GRID2: variants seen among roughly 807,000 people sequenced by gnomAD.
The protein encoded by GRID2 is glutamate receptor ionotropic, delta-2.
In GRID2, 33 loss-of-function variants were observed where a neutral mutation model predicts 114.8. That is an observed-to-expected ratio of 0.29 (90% CI 0.22 to 0.38). The LOEUF (loss-of-function observed/expected upper bound fraction) is 0.38. Ranked by LOEUF, GRID2 falls within the 10% of genes least tolerant of loss-of-function variation. The pLI, the probability that GRID2 is intolerant of heterozygous loss-of-function variation, is 1.00. For synonymous variants in GRID2, 505 were observed against 449.9 expected, an observed-to-expected ratio of 1.12 and a Z score of -1.55; for missense variants, 1,184 against 1,257.7, an observed-to-expected ratio of 0.94 and a Z score of 0.89.
chr4:93,068,076 G>T, intron 2 of GRID2, among the ~76,000 whole-genome samples: 1 of 151,922 alleles, frequency 6.6e-6, no homozygotes. Flanking sequence ...TTGAATCACT[G>T]GTTATAGACT....
intron 1 of GRID2, among the ~76,000 whole-genome samples, chr4:92,340,112 A>G (rs551619598): frequency 6.6e-4 from 101 of 152,294 alleles, no homozygotes; most frequent in African/African-American, 2.1e-3. Context: ...ATTTAAGATA[A>G]TTATAAAATA....
intron 2 of GRID2, among the ~76,000 whole-genome samples, chr4:92,690,817 A>G (rs1020710057): frequency 2.7e-5 from 4 of 148,344 alleles, no homozygotes; most frequent in Non-Finnish European, 6.0e-5. Flanking sequence ...TTATTCAATT[A>G]AAAAAAAAAC....
At chr4:93,075,215 C>G (rs1729152426) in intron 2 of GRID2, among the ~76,000 whole-genome samples, 1 of 152,156 alleles carries the variant, frequency 6.6e-6, no homozygotes, top group Admixed American at 6.5e-5. Flanking sequence ...ATGGTTATCT[C>G]AATAGATGCA....
At chr4:92,817,561 C>T (rs897881235) in intron 2 of GRID2, among the ~76,000 whole-genome samples, 3 of 151,930 alleles carry the variant, frequency 2.0e-5, no homozygotes, top group African/African-American at 7.3e-5. Context: ...CTGACAATTC[C>T]TTGAGATTGT....
At chr4:92,896,387 A>G (rs1390781979) in intron 2 of GRID2, among the ~76,000 whole-genome samples, 1 of 152,178 alleles carries the variant, frequency 6.6e-6, no homozygotes, top group Non-Finnish European at 1.5e-5. Flanking sequence ...ATTTTGGTTG[A>G]TAATTGTTTC....
chr4:92,786,855 A>C lies in GRID2; in HGVS notation c.244+196569A>C, dbSNP rs1221183653. On this transcript the variant is annotated intron_variant, in intron 2 of 15. Coordinates refer to ENST00000282020, the MANE Select transcript of GRID2 (RefSeq NM_001510.4). ...CCATCTTTCATACCAAATTTAACCG[A>C]AAGCTCAATTAAATAGATTTTAATC... Among the ~76,000 whole-genome samples, 3 of 151,930 alleles carry C rather than the reference A, an allele frequency of 2.0e-5. 1 individual carries two copies. The highest frequency in any genetic ancestry group is 2.9e-5 in the Non-Finnish European group (2 of 67,918).
At chr4:93,263,920 A>C (rs1337673473) in intron 8 of GRID2, among the ~76,000 whole-genome samples, 1 of 152,164 alleles carries the variant, frequency 6.6e-6, no homozygotes, top group Non-Finnish European at 1.5e-5. Context: ...AAGTCAACTG[A>C]AAGCAGTTTC....
chr4:93,115,120 G>GTGTT (rs1733115775), intron 4 of GRID2, among the ~76,000 whole-genome samples: 1 of 151,580 alleles, frequency 6.6e-6, no homozygotes, highest in South Asian at 2.1e-4. Flanking sequence ...GTGTGTGTGT[G>GTGTT]TGTATGATAT....
chr4:93,178,201 A>G (rs1579205345), intron 4 of GRID2, among the ~76,000 whole-genome samples: 2 of 151,024 alleles, frequency 1.3e-5, no homozygotes, highest in African/African-American at 4.9e-5. Flanking sequence ...CCTCTTTGTC[A>G]CTCTCTATTC....
intron 14 of GRID2, among the ~76,000 whole-genome samples, chr4:93,755,674 A>G (rs1732683707): frequency 6.6e-6 from 1 of 152,220 alleles, no homozygotes; most frequent in Non-Finnish European, 1.5e-5. Context: ...AAAATGCTAT[A>G]CATTTAATGA....
chr4:93,112,118 T>C (rs1732824747), intron 4 of GRID2: 1 of 152,148 alleles, frequency 6.6e-6, no homozygotes, highest in Non-Finnish European at 1.5e-5. Context: ...AACACAAATC[T>C]GGAAGATGGG....
intron 2 of GRID2, among the ~76,000 whole-genome samples, chr4:93,046,045 G>A (rs193182963): frequency 6.6e-6 from 1 of 152,186 alleles, no homozygotes; most frequent in Non-Finnish European, 1.5e-5. Flanking sequence ...CTTGTAGAAT[G>A]CTTGGAAGTC....
At chr4:93,675,618 C>T (rs1327039281) in intron 14 of GRID2, among the ~76,000 whole-genome samples, 3 of 152,104 alleles carry the variant, frequency 2.0e-5, no homozygotes, top group Non-Finnish European at 4.4e-5. Flanking sequence ...CCAAATGAGT[C>T]AAGGTACTGC....
chr4:93,666,872 A>G (rs898166146), intron 14 of GRID2, among the ~76,000 whole-genome samples: 10 of 152,150 alleles, frequency 6.6e-5, no homozygotes, highest in African/African-American at 2.2e-4. Flanking sequence ...GTAAGAAAGA[A>G]GGAAAAAACA....
chr4:93,014,885 G>T (rs1722528749), intron 2 of GRID2, among the ~76,000 whole-genome samples: 2 of 151,974 alleles, frequency 1.3e-5, no homozygotes, highest in African/African-American at 4.8e-5. Flanking sequence ...TGGATCTGGG[G>T]GGTCTATTCC....
intron 2 of GRID2, among the ~76,000 whole-genome samples, chr4:92,981,447 A>T (rs1271296055): frequency 6.6e-6 from 1 of 152,040 alleles, no homozygotes; most frequent in Non-Finnish European, 1.5e-5. Flanking sequence ...TTATTATTAG[A>T]TGTATTCCAT....
At chr4:93,026,742 C>G (rs1723917210) in intron 2 of GRID2, among the ~76,000 whole-genome samples, 1 of 151,802 alleles carries the variant, frequency 6.6e-6, no homozygotes, top group Non-Finnish European at 1.5e-5. Flanking sequence ...GTTTTTAATG[C>G]TGGGTGGAGT....
intron 8 of GRID2, among the ~76,000 whole-genome samples, chr4:93,274,220 T>C (rs1434619566): frequency 1.3e-5 from 2 of 152,128 alleles, no homozygotes; most frequent in Non-Finnish European, 2.9e-5. Flanking sequence ...AAAATCAAGA[T>C]TTAAATTTTA....
chr4:92,461,249 A>G (rs1024013633), intron 1 of GRID2, among the ~76,000 whole-genome samples: 20 of 152,138 alleles, frequency 1.3e-4, no homozygotes, highest in African/African-American at 4.8e-4. Context: ...GTCCTTAGTT[A>G]ACATCATTGA....
Sources: allele counts gnomAD v4.1 joint callset (sites outside exome capture counted in the v4.1 genomes callset), GRCh38; gene constraint gnomAD v4.1.1; transcripts MANE v1.5; gene names NCBI Gene and HGNC (gene_info 2026-07-23, HGNC 2026-07-21).